The following NBAS variants were observed in gnomAD, a reference collection of about 807,000 sequenced individuals.
NBAS encodes NBAS subunit of NRZ tethering complex.
A neutral mutation model predicts 302.5 loss-of-function variants in NBAS; 219 were observed. The observed-to-expected ratio is 0.72, with a 90% CI of 0.65 to 0.81. NBAS has a LOEUF of 0.81. Ranked by LOEUF, NBAS falls within the 30% of genes least tolerant of loss-of-function variation. The pLI, the probability that NBAS is intolerant of heterozygous loss-of-function variation, is 0.00. For synonymous variants in NBAS, 1,118 were observed against 1,021.6 expected (o/e 1.09, Z -1.80); for missense variants, 2,932 against 2,841.6 (o/e 1.03, Z -0.72).
At chr2:15,356,458 C>G (rs746914219) in intron 32 of NBAS, 42 bp from the exon 33 acceptor site, 1 of 1,335,952 alleles carries the variant, frequency 7.5e-7, no homozygotes, top group East Asian at 2.3e-5. Context: ...TGACAAGCAA[C>G]GTCAATTGAT....
the NBAS span, among the ~76,000 whole-genome samples, chr2:14,816,366 A>C: frequency 6.6e-6 from 1 of 152,198 alleles, no homozygotes; most frequent in African/African-American, 2.4e-5. Context: ...CATGCTCCTT[A>C]TGAGAATCTA....
chr2:15,321,698 T>A (rs1671814209), intron 38 of NBAS, among the ~76,000 whole-genome samples: 1 of 152,072 alleles, frequency 6.6e-6, no homozygotes, highest in African/African-American at 2.4e-5. Flanking sequence ...TGAGATACCA[T>A]CTCATGCCAG....
At chr2:15,281,089 AG>A (rs1669805720) in intron 42 of NBAS, among the ~76,000 whole-genome samples, 1 of 152,190 alleles carries the variant, frequency 6.6e-6, no homozygotes, top group Non-Finnish European at 1.5e-5. Flanking sequence ...ATCAATAAAG[AG>A]TGTCTTAGAG....
At chr2:14,791,519 T>A in the NBAS span, among the ~76,000 whole-genome samples, 3 of 151,984 alleles carry the variant, frequency 2.0e-5, no homozygotes, top group Admixed American at 2.0e-4. Context: ...AAAATGGGCA[T>A]GAGGTTGGGA....
At chr2:14,905,569 C>T in the NBAS span, among the ~76,000 whole-genome samples, 6 of 152,306 alleles carry the variant, frequency 3.9e-5, no homozygotes, top group East Asian at 1.2e-3. Context: ...GCCTGGCCAA[C>T]AGAGAAATAA....
intron 25 of NBAS, among the ~76,000 whole-genome samples, chr2:15,415,155 C>T (rs1279131152): frequency 6.6e-6 from 1 of 152,124 alleles, no homozygotes; most frequent in African/African-American, 2.4e-5. Context: ...TTACCCTATT[C>T]ACTTTATATC....
In NBAS at chr2:15,524,412, T is replaced by C. The variant is rs1020538323; in HGVS notation, c.746+10131A>G. 7.2e-5 allele frequency among the ~76,000 whole-genome samples: 11 copies of C among 152,324 alleles called. No individual in the cohort carries two copies. The East Asian group carries it at 2.1e-3, about 29-fold the overall frequency. ...GATATAGATTGTGTGCCTGCACTTATTACATGTCCCGGTCCAAACTGGGGT... is the reference window on the plus strand; with the variant it reads ...GATATAGATTGTGTGCCTGCACTTACTACATGTCCCGGTCCAAACTGGGGT... On this transcript the variant is annotated intron_variant, in intron 9 of 51. Transcript: ENST00000281513.
chr2:15,073,486 A>T, the NBAS span, among the ~76,000 whole-genome samples: 1,344 of 142,654 alleles, frequency 9.4e-3, 23 homozygotes, highest in Non-Finnish European at 0.015. Context: ...CAAAAAAAAA[A>T]AAAAATAAAA....
chr2:15,533,755 A>G (rs886818326), intron 9 of NBAS, among the ~76,000 whole-genome samples: 1 of 151,484 alleles, frequency 6.6e-6, no homozygotes, highest in Non-Finnish European at 1.5e-5. Flanking sequence ...TCATAATAAT[A>G]AAGTCCTGAA....
At chr2:15,287,447 T>C (rs979402910) in intron 41 of NBAS, among the ~76,000 whole-genome samples, 2 of 152,198 alleles carry the variant, frequency 1.3e-5, no homozygotes, top group African/African-American at 2.4e-5. Flanking sequence ...CAGGGGACAT[T>C]TGACAATGTC....
At chr2:15,140,444 A>G in the NBAS span, among the ~76,000 whole-genome samples, 2 of 152,218 alleles carry the variant, frequency 1.3e-5, no homozygotes, top group Admixed American at 6.5e-5. Context: ...CTGTGGTTCA[A>G]ATCCTAGTGT....
chr2:15,501,581 AAT>A (rs1428372458), intron 11 of NBAS, among the ~76,000 whole-genome samples: 1 of 134,934 alleles, frequency 7.4e-6, no homozygotes, highest in African/African-American at 2.5e-5. Context: ...AAATGAACTA[AAT>A]ATTTTTTTTT....
chr2:15,059,149 A>G, the NBAS span, among the ~76,000 whole-genome samples: 2 of 152,146 alleles, frequency 1.3e-5, no homozygotes, highest in African/African-American at 2.4e-5. Context: ...TCACTTCTAT[A>G]TCTTGCAGAG....
At chr2:15,288,259 G>A (rs1289389958) in intron 41 of NBAS, among the ~76,000 whole-genome samples, 1 of 152,186 alleles carries the variant, frequency 6.6e-6, no homozygotes, top group Non-Finnish European at 1.5e-5. Context: ...CATTTTTCTT[G>A]AGGAATTCAC....
At position 15,375,046 on chromosome 2, in the gene NBAS, A is replaced by T. The variant is rs577638540; in HGVS notation, c.3591-326T>A. Reference sequence around the variant, plus strand: ...GCCGTTTTTACTGTTGAATGCAAACATTATGATTCTATTACAAAAAAAAAT... The same window carrying T: ...GCCGTTTTTACTGTTGAATGCAAACTTTATGATTCTATTACAAAAAAAAAT... On this transcript the variant is annotated intron_variant, in intron 30 of 51. Transcript: ENST00000281513. Among the ~76,000 whole-genome samples the T allele has an allele frequency of 7.2e-5, 11 of 152,326 alleles. 1 individual carries two copies. In the South Asian group the frequency reaches 1.4e-3, roughly 20 times the overall value.
At chr2:15,002,091 G>C in the NBAS span, among the ~76,000 whole-genome samples, 1 of 152,070 alleles carries the variant, frequency 6.6e-6, no homozygotes. Context: ...GTCCCCACTA[G>C]ATTAGCTAGA....
the NBAS span, among the ~76,000 whole-genome samples, chr2:14,925,068 G>C: frequency 7.2e-5 from 11 of 152,132 alleles, no homozygotes; most frequent in Admixed American, 2.6e-4. Flanking sequence ...CTTTCCCAAG[G>C]CTTCATGAAA....
At chr2:15,104,261 T>A in the NBAS span, among the ~76,000 whole-genome samples, 1 of 152,200 alleles carries the variant, frequency 6.6e-6, no homozygotes, top group Non-Finnish European at 1.5e-5. Context: ...CCCAGCCATG[T>A]GGAACTGTGA....
intron 10 of NBAS, among the ~76,000 whole-genome samples, chr2:15,508,833 T>A (rs4525665): frequency 0.59 from 89,583 of 151,824 alleles, 27,044 homozygotes; most frequent in Middle Eastern, 0.63. Context: ...GGGAAATCCC[T>A]TCTCTACTAA....
Sources: gnomAD v4.1 joint callset for allele counts (sites outside exome capture counted in the v4.1 genomes callset) on GRCh38, gnomAD v4.1.1 for gene constraint, MANE v1.5 for transcripts, NCBI Gene and HGNC (gene_info 2026-07-23, HGNC 2026-07-21) for gene names.